ZNF75D: variants seen among roughly 807,000 people sequenced by gnomAD.
ZNF75D encodes zinc finger protein 75D, also known as zinc finger protein 75.
Under a neutral mutation model 33.3 loss-of-function variants are expected in ZNF75D, and 33 were observed. The observed-to-expected ratio is 0.99, with a 90% CI of 0.75 to 1.32. The LOEUF (loss-of-function observed/expected upper bound fraction) is 1.32. Ranked by LOEUF, ZNF75D falls within the 40% of genes most tolerant of loss-of-function variation. The pLI is 0.00. For synonymous variants in ZNF75D, 113 were observed against 130.6 expected, an observed-to-expected ratio of 0.87 and a Z score of 0.92; for missense variants, 338 against 367.5, an observed-to-expected ratio of 0.92 and a Z score of 0.66.
chrX:135,292,301 G>T lies in ZNF75D; in HGVS notation c.584C>A (p.Thr195Asn), dbSNP rs782188200. The T allele has an allele frequency of 1.7e-6, 2 of 1,210,784 alleles. No homozygotes were observed. The highest frequency in any genetic ancestry group is 3.0e-5 in the East Asian group (1 of 33,862). Residue 195 changes from threonine (T) to asparagine (N), a missense_variant, in exon 4 of 7, where the codon ACC becomes AAC. By Grantham distance (65) the Thr-to-Asn change is moderately conservative. Transcript: ENST00000370766. ...EQLGWNTHKE[T>N]QPVYERAVHD... ...CTCACCTCTTTCATATACAGGCTGG[G>T]TTTCTTTGTGAGTGTTCCAGCCCAG...
chrX:135,259,680 A>G (rs1336917478), intron 1 of ZNF75D, among the ~76,000 whole-genome samples: 11 of 112,052 alleles, frequency 9.8e-5, no homozygotes, highest in Non-Finnish European at 1.9e-4. Flanking sequence ...TTATCAGCTT[A>G]AGGAGATTTT....
chrX:135,330,406 C>T (rs2084637049), intron 1 of ZNF75D: 1 of 112,016 alleles, frequency 8.9e-6, no homozygotes, highest in South Asian at 3.7e-4. Flanking sequence ...TCTGAGGCAA[C>T]GTGGAGTCTA....
intron 1 of ZNF75D, among the ~76,000 whole-genome samples, chrX:135,316,026 C>T (rs1358400508): frequency 9.0e-6 from 1 of 111,561 alleles, no homozygotes; most frequent in Non-Finnish European, 1.9e-5. Flanking sequence ...TATCGTTTGT[C>T]ACTGTGGTTT....
rs782305887 is a variant in ZNF75D at position 135,289,191 on chromosome X, C to A, written c.824-1345G>T. 2.7e-5 allele frequency among the ~76,000 whole-genome samples: 3 copies of A among 113,018 alleles called. No homozygotes were observed. The South Asian group carries it at 1.1e-3, about 40-fold the overall frequency. On this transcript the variant is annotated intron_variant, in intron 6 of 6. Coordinates refer to ENST00000370766, the MANE Select transcript of ZNF75D (RefSeq NM_007131.5). Reference sequence around the variant, plus strand: ...ATCAGTGGTGCTGCTCAGTGGCTTGCATATAGACTTGCTATGAAGAAATGC... The same window carrying A: ...ATCAGTGGTGCTGCTCAGTGGCTTGAATATAGACTTGCTATGAAGAAATGC...
At chrX:135,337,525 T>C (rs1418430167) in intron 1 of ZNF75D, among the ~76,000 whole-genome samples, 2 of 112,040 alleles carry the variant, frequency 1.8e-5, no homozygotes, top group Non-Finnish European at 3.8e-5. Context: ...TTCTACTCAG[T>C]TCTCTACATA....
At chrX:135,332,596 T>G (rs1002763354) in intron 1 of ZNF75D, among the ~76,000 whole-genome samples, 3 of 111,928 alleles carry the variant, frequency 2.7e-5, no homozygotes, top group Non-Finnish European at 5.6e-5. Context: ...GACTTTCTTT[T>G]TATTATGTTA....
At chrX:135,297,243 A>C (rs1309674894) in intron 1 of ZNF75D, 3 of 112,208 alleles carry the variant, frequency 2.7e-5, no homozygotes, top group Non-Finnish European at 3.8e-5. Flanking sequence ...GTTTGATTCT[A>C]TATATAAATG....
At chrX:135,335,611 C>G (rs1018853665) in intron 1 of ZNF75D, among the ~76,000 whole-genome samples, 2 of 112,042 alleles carry the variant, frequency 1.8e-5, no homozygotes, top group African/African-American at 6.5e-5. Context: ...GAAAACAGAT[C>G]AAAAGCTGAG....
chrX:135,322,882 C>G (rs1556435361), intron 1 of ZNF75D, among the ~76,000 whole-genome samples: 1 of 112,097 alleles, frequency 8.9e-6, no homozygotes. Flanking sequence ...TGTTTGATAA[C>G]TGCCCTAAGA....
chrX:135,275,639 C>A (rs1375094032), intron 1 of ZNF75D, among the ~76,000 whole-genome samples: 2 of 109,882 alleles, frequency 1.8e-5, no homozygotes, highest in African/African-American at 6.6e-5. Flanking sequence ...ACATATAAAA[C>A]TATATATATA....
chrX:135,270,352 CATATATATATATATAT>C (rs530211370), intron 1 of ZNF75D, among the ~76,000 whole-genome samples: 1,815 of 63,453 alleles, frequency 0.029, 64 homozygotes, highest in African/African-American at 0.08. Flanking sequence ...CAAAATATCT[CATATATATATATATAT>C]ATATATATAT....
At chrX:135,271,935 T>A (rs2148462466) in intron 1 of ZNF75D, among the ~76,000 whole-genome samples, 1 of 111,220 alleles carries the variant, frequency 9.0e-6, no homozygotes, top group Non-Finnish European at 1.9e-5. Flanking sequence ...TTTTTGTTGT[T>A]GTTTTGTTTT....
chrX:135,282,481 C>G (rs1336357927), downstream of ZNF75D, among the ~76,000 whole-genome samples: 1 of 111,469 alleles, frequency 9.0e-6, no homozygotes, highest in African/African-American at 3.3e-5. Flanking sequence ...CTTCAGCCCC[C>G]TTTCCAGGGA....
chrX:135,322,849 A>T (rs1556435333), intron 1 of ZNF75D, among the ~76,000 whole-genome samples: 1 of 112,356 alleles, frequency 8.9e-6, no homozygotes, highest in Admixed American at 9.4e-5. Context: ...AAGGTAAGGC[A>T]TACTTGTGTA....
chrX:135,268,022 C>A (rs1472178777), intron 1 of ZNF75D, among the ~76,000 whole-genome samples: 1 of 107,967 alleles, frequency 9.3e-6, no homozygotes, highest in African/African-American at 3.4e-5. Flanking sequence ...AACATATGAT[C>A]CTTTTGATTG....
chrX:135,325,290 G>A (rs374028351), intron 1 of ZNF75D, among the ~76,000 whole-genome samples: 1 of 108,652 alleles, frequency 9.2e-6, no homozygotes, highest in African/African-American at 3.3e-5. Context: ...GTGACAGCAC[G>A]CTGGCAGTCC....
chrX:135,320,992 G>A (rs1339528770), intron 1 of ZNF75D, among the ~76,000 whole-genome samples: 3 of 111,419 alleles, frequency 2.7e-5, no homozygotes, highest in South Asian at 3.8e-4. Context: ...TCACAGACTC[G>A]GTAATTATAA....
chrX:135,289,610 TGACACACACACACACA>T (rs1345091010), intron 6 of ZNF75D, among the ~76,000 whole-genome samples: 3 of 87,769 alleles, frequency 3.4e-5, no homozygotes, highest in African/African-American at 1.3e-4. Flanking sequence ...AGTGAGACTC[TGACACACACACACACA>T]GACACACACA....
chrX:135,329,987 A>AAAATG (rs1556439802), intron 1 of ZNF75D, among the ~76,000 whole-genome samples: 1 of 112,358 alleles, frequency 8.9e-6, no homozygotes, highest in Non-Finnish European at 1.9e-5. Context: ...GACATGAAAC[A>AAAATG]AAATGAGCTG....
Sources: gnomAD v4.1 joint callset for allele counts (sites outside exome capture counted in the v4.1 genomes callset) on GRCh38, gnomAD v4.1.1 for gene constraint, MANE v1.5 for transcripts, NCBI Gene and HGNC (gene_info 2026-07-23, HGNC 2026-07-21) for gene names.